NALF1: variants seen among roughly 807,000 people sequenced by gnomAD.
NALF1 encodes family with sequence similarity 155 member A.
In NALF1, 3 loss-of-function variants were observed where a neutral mutation model predicts 48.4. The ratio of observed to expected loss-of-function variants is 0.06; its 90% CI spans 0.03 to 0.16. NALF1 has a LOEUF of 0.16. NALF1 is among the 10% of genes least tolerant of loss of function. The pLI, the probability that NALF1 is intolerant of heterozygous loss-of-function variation, is 1.00. For synonymous variants in NALF1, 262 were observed against 245.7 expected (o/e 1.07, Z -0.62); for missense variants, 526 against 571.5 (o/e 0.92, Z 0.81).
At position 107,462,308 on chromosome 13, in the gene NALF1, GA is replaced by G. The variant is rs957522355; in HGVS notation, c.916-251554del. ...TTTTGCCTGGTTCTCTAAAATGAAA[GA>G]AAAAAAAATAAACTTGTGTCTGAAT... On this transcript the variant is annotated intron_variant, in intron 1 of 2. Coordinates refer to ENST00000375915, the MANE Select transcript of NALF1 (RefSeq NM_001080396.3). Among the ~76,000 whole-genome samples the G allele has an allele frequency of 5.4e-3, 797 of 148,806 alleles. 7 individuals are homozygous for G. Among genetic ancestry groups the G allele is most frequent in the African/African-American group, 0.018 (746 of 40,532 alleles).
At chr13:107,414,713 AGTT>A (rs1391223207) in intron 1 of NALF1, among the ~76,000 whole-genome samples, 4 of 151,920 alleles carry the variant, frequency 2.6e-5, no homozygotes, top group Admixed American at 6.6e-5. Flanking sequence ...CCATGATCTA[AGTT>A]GTTATTTATT....
intron 1 of NALF1, among the ~76,000 whole-genome samples, chr13:107,762,100 T>C (rs776407559): frequency 6.6e-5 from 10 of 152,170 alleles, no homozygotes; most frequent in Non-Finnish European, 4.4e-5. Context: ...TCTAGGTATT[T>C]TGAGCACTGA....
At chr13:107,681,495 T>A (rs1881302932) in intron 1 of NALF1, among the ~76,000 whole-genome samples, 1 of 147,262 alleles carries the variant, frequency 6.8e-6, no homozygotes, top group African/African-American at 2.5e-5. Flanking sequence ...TAAAAAAAAA[T>A]CACTATTTTA....
intron 2 of NALF1, among the ~76,000 whole-genome samples, chr13:107,187,629 C>T (rs111816242): frequency 0.03 from 4,609 of 152,270 alleles, 114 homozygotes; most frequent in Non-Finnish European, 0.045. Flanking sequence ...ACCACGCATA[C>T]GTGGGAATGG....
intron 1 of NALF1, among the ~76,000 whole-genome samples, chr13:107,815,761 T>C (rs981952205): frequency 1.6e-4 from 24 of 152,266 alleles, no homozygotes; most frequent in Middle Eastern, 3.4e-3. Flanking sequence ...GGTGAATGGA[T>C]AAAAAATATG....
chr13:107,444,915 G>A (rs1351353546), intron 1 of NALF1, among the ~76,000 whole-genome samples: 1 of 152,082 alleles, frequency 6.6e-6, no homozygotes, highest in Non-Finnish European at 1.5e-5. Flanking sequence ...CACAGTTGCA[G>A]AAATTTTTTT....
At chr13:107,688,200 C>T (rs1348543999) in intron 1 of NALF1, among the ~76,000 whole-genome samples, 1 of 152,116 alleles carries the variant, frequency 6.6e-6, no homozygotes, top group African/African-American at 2.4e-5. Flanking sequence ...CACTTTATGG[C>T]TATGAAGGTG....
At chr13:107,530,701 G>A (rs1876599483) in intron 1 of NALF1, among the ~76,000 whole-genome samples, 1 of 152,020 alleles carries the variant, frequency 6.6e-6, no homozygotes, top group Non-Finnish European at 1.5e-5. Context: ...AATCACCACA[G>A]CTATAGAGAA....
chr13:107,349,319 A>C (rs11843371), intron 1 of NALF1, among the ~76,000 whole-genome samples: 3,676 of 152,116 alleles, frequency 0.024, 139 homozygotes, highest in African/African-American at 0.082. Flanking sequence ...CTTGTGTCTT[A>C]TCTCTGTGGC....
rs76096956 is a variant in NALF1, at chr13:107,578,992, T to C, written c.915+286690A>G. On this transcript the variant is annotated intron_variant, in intron 1 of 2. Transcript: ENST00000375915. Reference sequence around the variant, plus strand: ...CTACCATATTCCTTCTCAATTACTGTCACTCTGCTCCAAGCCATCATTGTA... The same window carrying C: ...CTACCATATTCCTTCTCAATTACTGCCACTCTGCTCCAAGCCATCATTGTA... 6.5e-3 allele frequency among the ~76,000 whole-genome samples: 984 copies of C among 152,332 alleles called. 7 individuals are homozygous for C. Among genetic ancestry groups the C allele is most frequent in the Non-Finnish European group, 0.011 (741 of 68,028 alleles).
At chr13:107,652,561 C>T (rs534400838) in intron 1 of NALF1, among the ~76,000 whole-genome samples, 1 of 152,186 alleles carries the variant, frequency 6.6e-6, no homozygotes, top group African/African-American at 2.4e-5. Context: ...GCCTCCCTAG[C>T]CCCAAAGGAT....
intron 1 of NALF1, among the ~76,000 whole-genome samples, chr13:107,305,422 C>T (rs1011885112): frequency 2.0e-5 from 3 of 152,120 alleles, no homozygotes; most frequent in Admixed American, 6.5e-5. Context: ...TCATTATATC[C>T]ACAAACTTTT....
intron 1 of NALF1, among the ~76,000 whole-genome samples, chr13:107,627,423 A>C (rs1274402012): frequency 6.6e-6 from 1 of 152,024 alleles, no homozygotes; most frequent in Admixed American, 6.6e-5. Flanking sequence ...TCCATGATTC[A>C]ATAGGAAGTC....
rs1007978644 is a variant in NALF1, at chr13:107,786,895, C to T, written c.915+78787G>A. Among the ~76,000 whole-genome samples the T allele has an allele frequency of 1.3e-5, 2 of 152,162 alleles. 1 individual carries two copies. The highest frequency in any genetic ancestry group is 4.1e-4 in the South Asian group (2 of 4,828). On this transcript the variant is annotated intron_variant, in intron 1 of 2. Transcript: ENST00000375915. ...GATGCTACAGGTCCACTTCTAGGAG[C>T]TGAGAGCGGAGCAAACAATGTTGGA... is the stretch of plus-strand genomic sequence containing the variant.
chr13:107,744,034 T>A (rs1876710503), intron 1 of NALF1, among the ~76,000 whole-genome samples: 1 of 152,184 alleles, frequency 6.6e-6, no homozygotes, highest in South Asian at 2.1e-4. Flanking sequence ...CCAGACAGAC[T>A]TAAGAGTACA....
intron 1 of NALF1, among the ~76,000 whole-genome samples, chr13:107,570,306 G>A (rs1423011564): frequency 6.6e-6 from 1 of 151,818 alleles, no homozygotes; most frequent in East Asian, 1.9e-4. Flanking sequence ...CCACCATAAA[G>A]TATGATCGTA....
chr13:107,686,460 T>C (rs1403451654), intron 1 of NALF1, among the ~76,000 whole-genome samples: 1 of 152,102 alleles, frequency 6.6e-6, no homozygotes, highest in African/African-American at 2.4e-5. Flanking sequence ...AGTGGTGGAA[T>C]CTTGGCTCAC....
intron 1 of NALF1, among the ~76,000 whole-genome samples, chr13:107,394,709 C>G (rs1883682495): frequency 6.6e-6 from 1 of 152,072 alleles, no homozygotes; most frequent in Non-Finnish European, 1.5e-5. Flanking sequence ...AATGCCTACA[C>G]TAAGGCAAAC....
At chr13:107,711,367 G>A (rs925624770) in intron 1 of NALF1, among the ~76,000 whole-genome samples, 1 of 152,214 alleles carries the variant, frequency 6.6e-6, no homozygotes, top group Admixed American at 6.5e-5. Context: ...ACGAAGTCTC[G>A]CCCTGTCTCC....
Sources: allele counts gnomAD v4.1 joint callset (sites outside exome capture counted in the v4.1 genomes callset), GRCh38; gene constraint gnomAD v4.1.1; transcripts MANE v1.5; gene names NCBI Gene and HGNC (gene_info 2026-07-23, HGNC 2026-07-21).